CNTNAP2: variants seen among roughly 807,000 people sequenced by gnomAD.
The protein encoded by CNTNAP2 is contactin-associated protein-like 2.
In CNTNAP2, 98 loss-of-function variants were observed where a neutral mutation model predicts 155.2. The ratio of observed to expected loss-of-function variants is 0.63; its 90% CI spans 0.54 to 0.75. The LOEUF (loss-of-function observed/expected upper bound fraction) is 0.75. Among genes scored for constraint, CNTNAP2 ranks in the 30% least tolerant of loss-of-function variants. The probability of loss-of-function intolerance (pLI) is 0.00; values close to 1 mark genes in which losing one functional copy is unlikely to be tolerated. For missense variants in CNTNAP2, 1,727 were observed against 1,688.1 expected, an observed-to-expected ratio of 1.02 and a Z score of -0.40; for synonymous variants, 651 against 631.2, an observed-to-expected ratio of 1.03 and a Z score of -0.47.
chr7:147,679,656 C>A (rs1795918420), intron 13 of CNTNAP2, among the ~76,000 whole-genome samples: 1 of 151,824 alleles, frequency 6.6e-6, no homozygotes, highest in Non-Finnish European at 1.5e-5. Context: ...TCTTGATGTG[C>A]CACATAAGTA....
chr7:146,161,130 G>A (rs1038380487), intron 1 of CNTNAP2, among the ~76,000 whole-genome samples: 1 of 152,064 alleles, frequency 6.6e-6, no homozygotes, highest in East Asian at 1.9e-4. Flanking sequence ...TGCAGAAAAG[G>A]CCTTTGACAA....
chr7:148,077,022 T>C (rs1374397577), intron 15 of CNTNAP2, among the ~76,000 whole-genome samples: 1 of 151,920 alleles, frequency 6.6e-6, no homozygotes, highest in Non-Finnish European at 1.5e-5. Context: ...CTACCATATA[T>C]ACAGGCGGGG....
At chr7:148,232,884 A>C (rs552870695) in intron 20 of CNTNAP2, among the ~76,000 whole-genome samples, 1 of 152,362 alleles carries the variant, frequency 6.6e-6, no homozygotes, top group African/African-American at 2.4e-5. Context: ...CCTGTGAAAC[A>C]GCACTGAGCA....
At chr7:148,169,486 C>T (rs568861048) in intron 17 of CNTNAP2, among the ~76,000 whole-genome samples, 39 of 152,076 alleles carry the variant, frequency 2.6e-4, no homozygotes, top group Admixed American at 1.4e-3. Context: ...AAAAACTGGA[C>T]GACAAGTGTG....
chr7:147,151,671 G>T (rs1184856140), intron 8 of CNTNAP2, among the ~76,000 whole-genome samples: 2 of 151,684 alleles, frequency 1.3e-5, no homozygotes, highest in African/African-American at 4.8e-5. Context: ...TTTTTCTAAA[G>T]GGTAAAAACA....
intron 10 of CNTNAP2, among the ~76,000 whole-genome samples, chr7:147,398,991 G>C (rs1039486210): frequency 2.0e-5 from 3 of 151,864 alleles, no homozygotes; most frequent in East Asian, 3.9e-4. Context: ...GGTTGACCAG[G>C]ATAAGCCTCC....
intron 1 of CNTNAP2, among the ~76,000 whole-genome samples, chr7:146,118,867 T>C (rs1453288690): frequency 6.6e-6 from 1 of 152,124 alleles, no homozygotes; most frequent in African/African-American, 2.4e-5. Context: ...TAAAAATGTG[T>C]AATGGCTTAA....
At chr7:147,994,088 G>A (rs1057180055) in intron 15 of CNTNAP2, among the ~76,000 whole-genome samples, 2 of 152,136 alleles carry the variant, frequency 1.3e-5, no homozygotes, top group Non-Finnish European at 2.9e-5. Context: ...TTTAGCATTA[G>A]GCTGGGTGCA....
chr7:146,805,306 G>A (rs1585098675), intron 2 of CNTNAP2, among the ~76,000 whole-genome samples: 2 of 152,276 alleles, frequency 1.3e-5, no homozygotes, highest in East Asian at 1.9e-4. Flanking sequence ...AATAGCTGAT[G>A]TAAACTTATA....
At chr7:148,116,331 GCCAAAT>G (rs748144335) in intron 15 of CNTNAP2, among the ~76,000 whole-genome samples, 2 of 152,118 alleles carry the variant, frequency 1.3e-5, no homozygotes, top group African/African-American at 2.4e-5. Flanking sequence ...AGGGAAGCAA[GCCAAAT>G]CCTCTTCAAT....
intron 14 of CNTNAP2, among the ~76,000 whole-genome samples, chr7:147,929,533 A>G (rs1252612857): frequency 3.3e-5 from 5 of 152,246 alleles, no homozygotes; most frequent in Non-Finnish European, 7.3e-5. Context: ...GTTTCAAAAT[A>G]CAAAGTGTTA....
chr7:147,020,052 G>A (rs1798792909), intron 3 of CNTNAP2, among the ~76,000 whole-genome samples: 1 of 152,062 alleles, frequency 6.6e-6, no homozygotes, highest in African/African-American at 2.4e-5. Context: ...GTATAGTATA[G>A]TACAGTATAT....
At chr7:146,875,078 G>T (rs993912959) in intron 3 of CNTNAP2, among the ~76,000 whole-genome samples, 1 of 151,992 alleles carries the variant, frequency 6.6e-6, no homozygotes, top group Non-Finnish European at 1.5e-5. Context: ...TATAAGTAGC[G>T]AATAACTAAG....
chr7:147,343,214 G>A (rs1404699), intron 9 of CNTNAP2, among the ~76,000 whole-genome samples: 96,747 of 151,928 alleles, frequency 0.64, 31,794 homozygotes, highest in African/African-American at 0.81. Flanking sequence ...GCTGTTATTC[G>A]TAACAGTCGA....
intron 4 of CNTNAP2, among the ~76,000 whole-genome samples, chr7:147,056,937 A>AT (rs771113115): frequency 3.3e-5 from 5 of 150,918 alleles, no homozygotes; most frequent in East Asian, 3.9e-4. Flanking sequence ...TCCCTAGCTT[A>AT]TTTTTTTTAT....
At chr7:147,928,114 A>G (rs546464020) in intron 14 of CNTNAP2, among the ~76,000 whole-genome samples, 3 of 152,000 alleles carry the variant, frequency 2.0e-5, no homozygotes, top group Non-Finnish European at 2.9e-5. Context: ...CTCTCATTCT[A>G]TCTTGCCTGC....
At chr7:147,701,396 T>C (rs946333590) in intron 13 of CNTNAP2, among the ~76,000 whole-genome samples, 1 of 152,202 alleles carries the variant, frequency 6.6e-6, no homozygotes, top group Non-Finnish European at 1.5e-5. Context: ...ATGTGACTTG[T>C]ATCATGTAAG....
chr7:146,512,787 A>T (rs1797486926), intron 1 of CNTNAP2, among the ~76,000 whole-genome samples: 1 of 151,866 alleles, frequency 6.6e-6, no homozygotes, highest in African/African-American at 2.4e-5. Context: ...AATCTTCTTT[A>T]AAAGTCATTT....
chr7:147,491,701 A>T (rs746001483), intron 11 of CNTNAP2, among the ~76,000 whole-genome samples: 5 of 152,110 alleles, frequency 3.3e-5, no homozygotes, highest in Non-Finnish European at 7.4e-5. Flanking sequence ...GTTTTCTTTA[A>T]ATTTTATTCA....
Sources: gnomAD v4.1 joint callset for allele counts (sites outside exome capture counted in the v4.1 genomes callset) on GRCh38, gnomAD v4.1.1 for gene constraint, MANE v1.5 for transcripts, NCBI Gene and HGNC (gene_info 2026-07-23, HGNC 2026-07-21) for gene names.